Variants in MYH10 observed in about 807,000 individuals in gnomAD.
MYH10 encodes the protein myosin heavy chain 10.
MYH10 carries 55 observed loss-of-function variants against 257.8 expected under a neutral mutation model. The observed-to-expected ratio is 0.21, with a 90% CI of 0.17 to 0.27. The LOEUF is 0.27. Ranked by LOEUF, MYH10 falls within the 10% of genes least tolerant of loss-of-function variation. The pLI is 1.00. For synonymous variants in MYH10, 854 were observed against 921.7 expected (o/e 0.93, Z 1.33); for missense variants, 1,631 against 2,500.6 (o/e 0.65, Z 7.42).
In MYH10 at chr17:8,569,238, T is replaced by C. The variant is rs923698272; in HGVS notation, c.756+482A>G. Among the ~76,000 whole-genome samples, 2 of 145,254 alleles carry C rather than the reference T, an allele frequency of 1.4e-5. No individual in the cohort carries two copies. Among genetic ancestry groups the C allele is most frequent in the African/African-American group, 5.1e-5 (2 of 39,342 alleles). On this transcript the variant is annotated intron_variant, in intron 7 of 42. Transcript: ENST00000360416. The surrounding 1 kb of genome is among the most constrained non-coding windows in gnomAD (Gnocchi z 4.1). ...CCCTGTCTCAAAAAAAAAAAAAAATTAAAGAGAAGTCATAGTAGTGACAAA... is the reference window on the plus strand; with the variant it reads ...CCCTGTCTCAAAAAAAAAAAAAAATCAAAGAGAAGTCATAGTAGTGACAAA...
Position 8,569,632 on chromosome 17 carries a change from G to C in MYH10, c.756+88C>G. ...ACATCTATTAGCTTCTTAAAATCTA[G>C]GAAGAAAAGTAATTCATTTGCTTAA... On this transcript the variant is annotated intron_variant, in intron 7 of 42. Transcript: ENST00000360416. This position sits in a 1 kb window ranked among gnomAD's most constrained non-coding sequence, Gnocchi z 4.1. 2.2e-6 allele frequency: 2 copies of C among 909,168 alleles called. No individual in the cohort carries two copies. Among genetic ancestry groups the C allele is most frequent in the Non-Finnish European group, 3.2e-6 (2 of 617,162 alleles). The allele number at this position is 909,168 out of a possible 1,614,324, so 56.3% of individuals were successfully genotyped here. A position where few individuals can be genotyped will look rare whatever the true frequency, so the allele number is the denominator to read the frequency against.
At chr17:8,604,094 G>A (rs539196200) in intron 3 of MYH10, among the ~76,000 whole-genome samples, 1 of 152,212 alleles carries the variant, frequency 6.6e-6, no homozygotes, top group Admixed American at 6.5e-5. Context: ...GATTTTATAA[G>A]AACCTTATGC....
chr17:8,629,788 C>G (rs2085832626), intron 1 of MYH10, among the ~76,000 whole-genome samples: 1 of 152,000 alleles, frequency 6.6e-6, no homozygotes, highest in Non-Finnish European at 1.5e-5. Flanking sequence ...CCACATTTCC[C>G]GCCTCGCCCC....
At chr17:8,628,554 T>A (rs1284381465) in intron 1 of MYH10, among the ~76,000 whole-genome samples, 2 of 152,158 alleles carry the variant, frequency 1.3e-5, no homozygotes, top group Non-Finnish European at 2.9e-5. Context: ...TGTCCCAATT[T>A]GGGTACTGCT....
At chr17:8,604,329 T>C (rs1236689601) in intron 3 of MYH10, among the ~76,000 whole-genome samples, 1 of 152,202 alleles carries the variant, frequency 6.6e-6, no homozygotes, top group East Asian at 1.9e-4. Context: ...TTCAAATGAA[T>C]GACTCCTCAA....
At chr17:8,553,731 C>T (rs1202663147) in intron 8 of MYH10, among the ~76,000 whole-genome samples, 1 of 152,180 alleles carries the variant, frequency 6.6e-6, no homozygotes, top group Non-Finnish European at 1.5e-5. Flanking sequence ...GTGGCACTCT[C>T]CACTTCCCCA....
rs530488179 is a variant in MYH10 at position 8,553,936 on chromosome 17, C to T, written c.820+19G>A. ...AAATCCTTCTTTATTTTGGATTATA[C>T]ATTTATGAAAAAGGATACATGTTTC... On this transcript the variant is annotated intron_variant, in intron 8 of 42. Transcript: ENST00000360416. 20 of 1,598,718 alleles carry T rather than the reference C, an allele frequency of 1.3e-5. No homozygotes were observed. The highest frequency in any genetic ancestry group is 1.7e-5 in the Non-Finnish European group (20 of 1,166,952).
intron 7 of MYH10, among the ~76,000 whole-genome samples, chr17:8,559,002 G>A (rs567799667): frequency 6.6e-6 from 1 of 152,272 alleles, no homozygotes; most frequent in East Asian, 1.9e-4. Flanking sequence ...TGAAATAACA[G>A]TATTCTTTAA....
chr17:8,628,093 T>A (rs561124970), intron 1 of MYH10, among the ~76,000 whole-genome samples: 7 of 152,338 alleles, frequency 4.6e-5, no homozygotes, highest in African/African-American at 1.7e-4. Flanking sequence ...TTAAAAAGTA[T>A]AGGCTTAACC....
In MYH10 at chr17:8,548,861, T is replaced by C. The variant is rs375836826; in HGVS notation, c.920-74A>G. The C allele has an allele frequency of 2.5e-5, 33 of 1,332,518 alleles. 1 individual carries two copies. In the Middle Eastern group the frequency reaches 6.1e-4, roughly 25 times the overall value. 82.5% of individuals were successfully genotyped at this position (1,332,518 alleles called of 1,614,324 possible). A position where few individuals can be genotyped will look rare whatever the true frequency, so the allele number is the denominator to read the frequency against. ...AACTAAGCCATAACTGCATTCAAAC[T>C]GTGCCAGTGTCACAGGAGAGCAGTG... On this transcript the variant is annotated intron_variant, in intron 9 of 42. Transcript: ENST00000360416.
intron 16 of MYH10, among the ~76,000 whole-genome samples, chr17:8,534,520 A>G (rs943968591): frequency 6.6e-6 from 1 of 152,062 alleles, no homozygotes; most frequent in African/African-American, 2.4e-5. Flanking sequence ...TTTGGCCCCA[A>G]TTGCCCTCAG....
intron 3 of MYH10, among the ~76,000 whole-genome samples, chr17:8,598,787 A>T (rs1046582422): frequency 6.6e-6 from 1 of 151,096 alleles, no homozygotes; most frequent in African/African-American, 2.4e-5. Flanking sequence ...GTTCACTGCA[A>T]CCTCCACCTC....
chr17:8,533,239 C>T (rs2082052098), intron 16 of MYH10, among the ~76,000 whole-genome samples: 1 of 152,170 alleles, frequency 6.6e-6, no homozygotes, highest in African/African-American at 2.4e-5. Flanking sequence ...AGGTCACAAA[C>T]CTACTGATGC....
intron 2 of MYH10, among the ~76,000 whole-genome samples, chr17:8,619,836 G>A (rs1318751375): frequency 1.3e-5 from 2 of 152,030 alleles, no homozygotes; most frequent in Non-Finnish European, 2.9e-5. Context: ...TGAGGCAGGA[G>A]AATCACTTGA....
rs145280178 is a variant in MYH10, at chr17:8,512,344, T to A, written c.2952+107A>T. The A allele has an allele frequency of 1.7e-4, 145 of 864,728 alleles. No homozygotes were observed. The African/African-American group carries it at 2.2e-3, about 13-fold the overall frequency. The allele number at this position is 864,728 out of a possible 1,614,324, so 53.6% of individuals were successfully genotyped here. On this transcript the variant is annotated intron_variant, in intron 24 of 42. Transcript: ENST00000360416. ...AGTGGCTTCTCATAACCCAGAACCCTTTTGCTTCTCTGTGGACTTAAGAAT... is the reference window on the plus strand; with the variant it reads ...AGTGGCTTCTCATAACCCAGAACCCATTTGCTTCTCTGTGGACTTAAGAAT...
At chr17:8,492,631 CTT>C (rs74648985) in intron 33 of MYH10, 122 bp from the exon 34 acceptor site, 80,979 of 876,012 alleles carry the variant, frequency 0.092, no homozygotes, top group South Asian at 0.11. Flanking sequence ...CTTGTATTTC[CTT>C]TTTTTTTTTT....
intron 41 of MYH10, 133 bp downstream of exon 41, chr17:8,478,205 A>G: frequency 2.6e-6 from 2 of 765,274 alleles, no homozygotes; most frequent in Admixed American, 2.4e-5. Context: ...CACCAGGAAC[A>G]TGGAACAGCC....
At chr17:8,591,693 T>C (rs1401003245) in intron 3 of MYH10, among the ~76,000 whole-genome samples, 5 of 151,458 alleles carry the variant, frequency 3.3e-5, no homozygotes, top group African/African-American at 1.2e-4. Flanking sequence ...CGTCTGTACA[T>C]GCTATTATCA....
chr17:8,519,096 G>A, intron 19 of MYH10, 146 bp from the exon 20 acceptor site: 1 of 581,848 alleles, frequency 1.7e-6, no homozygotes, highest in Non-Finnish European at 3.0e-6. Flanking sequence ...GAAATGAACT[G>A]GTGATAATCT....
Sources: allele counts gnomAD v4.1 joint callset (sites outside exome capture counted in the v4.1 genomes callset), GRCh38; gene constraint gnomAD v4.1.1; non-coding constraint Gnocchi (gnomAD v3.1); transcripts MANE v1.5; gene names NCBI Gene and HGNC (gene_info 2026-07-23, HGNC 2026-07-21).